The following TOP2A variants were observed in gnomAD, a reference collection of about 807,000 sequenced individuals.
TOP2A encodes the protein DNA topoisomerase 2-alpha.
A neutral mutation model predicts 187.2 loss-of-function variants in TOP2A; 68 were observed. The ratio of observed to expected loss-of-function variants is 0.36; its 90% CI spans 0.30 to 0.44. The LOEUF (loss-of-function observed/expected upper bound fraction) is 0.44. TOP2A is among the 20% of genes least tolerant of loss of function. The pLI, the probability that TOP2A is intolerant of heterozygous loss-of-function variation, is 1.00. For synonymous variants in TOP2A, 542 were observed against 593.2 expected, an observed-to-expected ratio of 0.91 and a Z score of 1.25; for missense variants, 1,196 against 1,808.7, an observed-to-expected ratio of 0.66 and a Z score of 6.14.
chr17:40,415,755 C>T (rs1377396304), intron 4 of TOP2A, among the ~76,000 whole-genome samples: 1 of 152,092 alleles, frequency 6.6e-6, no homozygotes, highest in African/African-American at 2.4e-5. Flanking sequence ...AAGACCAGCC[C>T]AGGCAAAATA....
At chr17:40,400,695 T>C (rs575592670) in intron 21 of TOP2A, 32 bp from the exon 22 acceptor site, 1 of 1,579,930 alleles carries the variant, frequency 6.3e-7, no homozygotes, top group African/African-American at 1.4e-5. Flanking sequence ...CAGTATGTTT[T>C]CTAAATGTGA....
rs749829589 is a variant in TOP2A at position 40,413,175 on chromosome 17, C to T, written c.576+20G>A. Reference sequence around the variant, plus strand: ...ACTACTACCATTTATCATTAAGGTACAAGACACTTATTTACTTGCCTGTTT... The same window carrying T: ...ACTACTACCATTTATCATTAAGGTATAAGACACTTATTTACTTGCCTGTTT... On this transcript the variant is annotated intron_variant, in intron 6 of 34. Transcript: ENST00000423485. 3.3e-6 allele frequency: 5 copies of T among 1,515,962 alleles called. No individual in the cohort carries two copies. The highest frequency in any genetic ancestry group is 1.4e-5 in the African/African-American group (1 of 72,470). 93.9% of individuals were successfully genotyped at this position (1,515,962 alleles called of 1,614,324 possible).
chr17:40,408,317 A>T (rs1191340352), intron 11 of TOP2A, among the ~76,000 whole-genome samples, 175 bp downstream of exon 11: 1 of 152,210 alleles, frequency 6.6e-6, no homozygotes, highest in Non-Finnish European at 1.5e-5. Flanking sequence ...AATATTATTT[A>T]TAACATGGAA....
At chr17:40,409,440 C>T (rs2035291797) in intron 10 of TOP2A, 5 of 443,096 alleles carry the variant, frequency 1.1e-5, no homozygotes, top group Non-Finnish European at 2.3e-5. Flanking sequence ...GACACTTGTC[C>T]TCATCAAGTT....
intron 4 of TOP2A, among the ~76,000 whole-genome samples, chr17:40,415,365 T>G (rs745644739): frequency 1.3e-5 from 2 of 152,152 alleles, no homozygotes; most frequent in South Asian, 4.1e-4. Context: ...TAGCTCAACA[T>G]TTTTTAAAGA....
intron 17 of TOP2A, 85 bp from the exon 18 acceptor site, chr17:40,404,576 G>T (rs544861388): frequency 7.4e-6 from 6 of 807,660 alleles, no homozygotes; most frequent in Non-Finnish European, 1.2e-5. Flanking sequence ...TCAGAACTAA[G>T]AATTATTTCT....
intron 32 of TOP2A, 103 bp from the exon 33 acceptor site, chr17:40,391,743 G>A: frequency 1.7e-6 from 2 of 1,198,628 alleles, no homozygotes; most frequent in South Asian, 1.8e-5. Flanking sequence ...CACCAAATAT[G>A]TGACTTTTCT....
rs2143649399 is a variant in TOP2A, at chr17:40,400,969, G to A, written c.2545C>T (p.Leu849=). 1.4e-5 allele frequency: 22 copies of A among 1,613,936 alleles called. No individual in the cohort carries two copies. The highest frequency in any genetic ancestry group is 1.9e-5 in the Non-Finnish European group (22 of 1,179,884). The change falls in exon 21 of 35, where the codon CTG becomes TTG. Residue 849 remains leucine (L), a synonymous_variant. Coordinates refer to ENST00000423485, the MANE Select transcript of TOP2A (RefSeq NM_001067.4). ...CCGATTCCTTCAGCACCATTTATCA[G>A]CACCATGGGAATAATAGGAATGTAC... The part of the protein sequence containing the change: ...EWYIPIIPMV[L]INGAEGIGTG...
At position 40,389,606 on chromosome 17, in the gene TOP2A, G is replaced by A; in HGVS notation, c.4509C>T (p.Asp1503=). 6.2e-7 allele frequency: 1 copy of A among 1,608,724 alleles called. No individual in the cohort carries two copies. Reference sequence around the variant, plus strand: ...ATTTTGCCCGAGGAGCCACAGCTGAGTCAAAGTCCATATGGAAGTCATCAC... The same window carrying A: ...ATTTTGCCCGAGGAGCCACAGCTGAATCAAAGTCCATATGGAAGTCATCAC... ...GESDDFHMDF[D]SAVAPRAKSV... The change falls in exon 35 of 35, where the codon GAC becomes GAT. Residue 1503 remains aspartate, a synonymous_variant. Transcript: ENST00000423485.
intron 28 of TOP2A, 128 bp from the exon 29 acceptor site, chr17:40,395,667 G>C (rs1207458585): frequency 1.8e-6 from 1 of 543,074 alleles, no homozygotes; most frequent in African/African-American, 1.9e-5. Flanking sequence ...AGGCCGTGGT[G>C]GGCAGATCTC....
At chr17:40,412,571 G>A (rs997072036) in intron 7 of TOP2A, among the ~76,000 whole-genome samples, 188 bp downstream of exon 7, 3 of 152,216 alleles carry the variant, frequency 2.0e-5, no homozygotes. Flanking sequence ...GTGAACCTGG[G>A]AGGTGGAGGT....
intron 10 of TOP2A, chr17:40,408,940 A>G (rs775777612): frequency 1.5e-5 from 7 of 472,024 alleles, no homozygotes; most frequent in Non-Finnish European, 2.9e-5. Flanking sequence ...CACGCCTATA[A>G]TCCCAGCACT....
chr17:40,402,795 T>G, intron 20 of TOP2A, 111 bp downstream of exon 20: 1 of 1,189,288 alleles, frequency 8.4e-7, no homozygotes, highest in African/African-American at 1.5e-5. Flanking sequence ...CCTCTGCCAC[T>G]AGATGCCAGT....
Position 40,404,520 on chromosome 17 carries a change from C to G in TOP2A, c.2047-29G>C, listed in dbSNP as rs2035216316. The G allele has an allele frequency of 1.5e-5, 19 of 1,304,102 alleles. No individual in the cohort carries two copies. In the East Asian group the frequency reaches 4.4e-4, roughly 30 times the overall value. 80.8% of individuals were successfully genotyped at this position (1,304,102 alleles called of 1,614,324 possible). On this transcript the variant is annotated intron_variant, in intron 17 of 34. Transcript: ENST00000423485. The stretch of plus-strand genomic sequence containing the variant: ...AAGGACCAAATAGTATTACATGAGT[C>G]TACCGGTCTAAACAATGCTCAACAC...
intron 16 of TOP2A, 125 bp from the exon 17 acceptor site, chr17:40,405,008 G>C: frequency 1.7e-6 from 1 of 596,002 alleles, no homozygotes; most frequent in Non-Finnish European, 2.8e-6. Flanking sequence ...TTTTTTTTGA[G>C]ACGGGAGTTA....
Position 40,416,459 on chromosome 17 carries a change from A to G in TOP2A, c.231T>C (p.Phe77=), listed in dbSNP as rs369251448. 18 of 1,604,050 alleles carry G rather than the reference A, an allele frequency of 1.1e-5. No homozygotes were observed. Among genetic ancestry groups the G allele is most frequent in the Middle Eastern group, 1.7e-4 (1 of 6,054 alleles). The change falls in exon 3 of 35, where the codon TTT becomes TTC. Residue 77 remains phenylalanine, a synonymous_variant. Transcript: ENST00000423485. ...CAAAGATTTTGTACAAACCAGGAAC[A>G]AAAGTGACTTCCCTATAGTTAATGC... ...DVGINYREVT[F]VPGLYKIFDE... is the part of the protein sequence containing the mutation.
chr17:40,413,654 T>G (rs2143688268), intron 4 of TOP2A, 29 bp from the exon 5 acceptor site: 1 of 1,079,692 alleles, frequency 9.3e-7, no homozygotes, highest in Non-Finnish European at 1.3e-6. Context: ...AAATTGTATT[T>G]TACAACACAT....
In TOP2A at chr17:40,413,619, G is replaced by T; in HGVS notation, c.339C>A (p.Asn113Lys). Residue 113 changes from asparagine (N) to lysine (K), a missense_variant, in exon 5 of 35, where the codon AAC becomes AAA. This residue lies in a region of TOP2A where 97 missense variants were observed against 171.0 expected (regional missense o/e 0.57). Transcript: ENST00000423485. ...CATTATTCCATATACTAATTAAATTGTTTTCCCTAAGAAAAAAAGATTGAA... is the reference window on the plus strand; with the variant it reads ...CATTATTCCATATACTAATTAAATTTTTTTCCCTAAGAAAAAAAGATTGAA... Reference protein sequence around the residue: ...SCIRVTIDPENNLISIWNNGK... With the variant: ...SCIRVTIDPEKNLISIWNNGK... 7.5e-7 allele frequency: 1 copy of T among 1,332,070 alleles called. No individual in the cohort carries two copies. Among genetic ancestry groups the T allele is most frequent in the Non-Finnish European group, 1.0e-6 (1 of 987,026 alleles). 82.5% of individuals were successfully genotyped at this position (1,332,070 alleles called of 1,614,324 possible).
In TOP2A at chr17:40,392,347, A is replaced by G. The variant is rs1446959681; in HGVS notation, c.3965-6T>C. On this transcript the variant is annotated splice_polypyrimidine_tract_variant and splice_region_variant and intron_variant, in intron 30 of 34. Transcript: ENST00000423485. Reference sequence around the variant, plus strand: ...CATTGTGAATTTTGTTTTTGCTAGTAAAAAAACCATATACAAAAAAATCAA... The same window carrying G: ...CATTGTGAATTTTGTTTTTGCTAGTGAAAAAACCATATACAAAAAAATCAA... 1.9e-6 allele frequency: 3 copies of G among 1,578,338 alleles called. No individual in the cohort carries two copies. In the East Asian group the frequency reaches 6.9e-5, roughly 36 times the overall value.
Sources: allele counts gnomAD v4.1 joint callset (sites outside exome capture counted in the v4.1 genomes callset), GRCh38; gene constraint gnomAD v4.1.1; regional missense constraint gnomAD v4.1.1; transcripts MANE v1.5; gene names NCBI Gene and HGNC (gene_info 2026-07-23, HGNC 2026-07-21).